ZNF596: variants seen among roughly 807,000 people sequenced by gnomAD.
ZNF596 encodes zinc finger protein 596.
ZNF596 carries 45 observed loss-of-function variants against 48.3 expected under a neutral mutation model. The observed-to-expected ratio is 0.93, with a 90% CI of 0.73 to 1.19. The LOEUF (loss-of-function observed/expected upper bound fraction) is 1.19, where lower values mean the gene tolerates loss of function less well. Among genes scored for constraint, ZNF596 ranks in the 50% most tolerant of loss-of-function variants. The pLI, the probability that ZNF596 is intolerant of heterozygous loss-of-function variation, is 0.00. For synonymous variants in ZNF596, 270 were observed against 202.0 expected (o/e 1.34, Z -2.85); for missense variants, 848 against 599.7 (o/e 1.41, Z -4.32).
At chr8:232,855 G>C in intron 1 of ZNF596, 161 bp downstream of exon 1, 1 of 454,636 alleles carries the variant, frequency 2.2e-6, no homozygotes, top group Non-Finnish European at 4.6e-6. Context: ...CACGCTTCGG[G>C]GTGGCCGCCT....
chr8:235,048 C>A (rs1228972686), intron 1 of ZNF596, among the ~76,000 whole-genome samples: 1 of 152,198 alleles, frequency 6.6e-6, no homozygotes, highest in African/African-American at 2.4e-5. Flanking sequence ...CAGTATTGAT[C>A]TGGCCACAAA....
intron 1 of ZNF596, among the ~76,000 whole-genome samples, chr8:236,209 G>C (rs1796607219): frequency 6.6e-6 from 1 of 152,106 alleles, no homozygotes; most frequent in Non-Finnish European, 1.5e-5. Context: ...CTGATTTTGT[G>C]TGTTTGCTTT....
intron 1 of ZNF596, 198 bp downstream of exon 1, chr8:232,892 G>C (rs1304880152): frequency 4.3e-6 from 2 of 467,622 alleles, no homozygotes; most frequent in Non-Finnish European, 8.8e-6. Flanking sequence ...TCCGAGACTG[G>C]GGTAGGGGAC....
intron 5 of ZNF596, among the ~76,000 whole-genome samples, 186 bp from the exon 6 acceptor site, chr8:244,968 A>G (rs766490300): frequency 3.9e-5 from 6 of 152,266 alleles, no homozygotes; most frequent in Non-Finnish European, 7.3e-5. Context: ...TTGGGATGCT[A>G]CAACAGGAAA....
rs770893964 is a variant in ZNF596 at position 246,387 on chromosome 8, C to T, written c.*25C>T. ...AGAATCATCAGCTGTAGCGTTAACACTAAATACACCAAGGACAAACATACT... is the reference window on the plus strand; with the variant it reads ...AGAATCATCAGCTGTAGCGTTAACATTAAATACACCAAGGACAAACATACT... On this transcript the variant is annotated 3_prime_UTR_variant, in exon 6 of 6. Transcript: ENST00000398612. 7.1e-6 allele frequency: 11 copies of T among 1,542,734 alleles called. No homozygotes were observed. The Admixed American group carries it at 2.1e-4, about 30-fold the overall frequency.
intron 4 of ZNF596, chr8:244,138 C>T: frequency 4.7e-6 from 1 of 214,848 alleles, no homozygotes; most frequent in South Asian, 7.3e-5. Context: ...AATCCACCCA[C>T]CTCAGCCTCC....
chr8:232,884 C>T (rs1204701517), intron 1 of ZNF596, 190 bp downstream of exon 1: 2 of 466,188 alleles, frequency 4.3e-6, no homozygotes, highest in Non-Finnish European at 8.9e-6. Flanking sequence ...ACCCTGAGTC[C>T]GAGACTGGGG....
chr8:243,108 A>C, intron 3 of ZNF596, 95 bp downstream of exon 3: 1 of 1,189,590 alleles, frequency 8.4e-7, no homozygotes, highest in South Asian at 1.9e-5. Context: ...CGTGCTTAGA[A>C]CAGCTTTCTC....
At chr8:244,732 A>C in intron 5 of ZNF596, 31 bp downstream of exon 5, 1 of 1,566,168 alleles carries the variant, frequency 6.4e-7, no homozygotes, top group African/African-American at 1.4e-5. Context: ...CCCTGTTCTT[A>C]CATATAGAAA....
chr8:246,086 C>T lies in ZNF596; in HGVS notation c.1239C>T (p.His413=). The change falls in exon 6 of 6, where the codon CAC becomes CAT. Residue 413 remains histidine (H), a synonymous_variant. Coordinates refer to ENST00000398612, the MANE Select transcript of ZNF596 (RefSeq NM_001042416.3). The part of the protein sequence containing the change: ...SSDLRRHERT[H]TGEKPYECHL... ...ACCTCAGACGACATGAGAGAACTCA[C>T]ACTGGAGAAAAACCATATGAATGCC... 1 of 1,613,598 alleles carries T rather than the reference C, an allele frequency of 6.2e-7. No individual in the cohort carries two copies. Among genetic ancestry groups the T allele is most frequent in the Non-Finnish European group, 8.5e-7 (1 of 1,179,488 alleles).
At position 245,996 on chromosome 8, in the gene ZNF596, A is replaced by G. The variant is rs760809279; in HGVS notation, c.1149A>G (p.Arg383=). The change falls in exon 6 of 6, where the codon AGA becomes AGG. Residue 383 remains arginine (R), a synonymous_variant. Coordinates refer to ENST00000398612, the MANE Select transcript of ZNF596 (RefSeq NM_001042416.3). Reference sequence around the variant, plus strand: ...CTTCTGTGCTTAAACGACATGAGAGAATTCACACTGGAGAGAAACCATATG... The same window carrying G: ...CTTCTGTGCTTAAACGACATGAGAGGATTCACACTGGAGAGAAACCATATG... ...TESSVLKRHE[R]IHTGEKPYEC... 6.2e-7 allele frequency: 1 copy of G among 1,613,670 alleles called. No homozygotes were observed. Among genetic ancestry groups the G allele is most frequent in the African/African-American group, 1.3e-5 (1 of 74,848 alleles).
In ZNF596 at chr8:243,612, T is replaced by G. The variant is rs997107987; in HGVS notation, c.140-110T>G. On this transcript the variant is annotated intron_variant, in intron 3 of 5. Coordinates refer to ENST00000398612, the MANE Select transcript of ZNF596 (RefSeq NM_001042416.3). ...TGTCTTCAAGGTACTCTTCCCAGGC[T>G]GACCTTCAGTGGCTAACTTATCCTT... is the stretch of plus-strand genomic sequence containing the variant. 4.1e-6 allele frequency: 4 copies of G among 968,732 alleles called. No homozygotes were observed. In the South Asian group the frequency reaches 4.5e-5, roughly 11 times the overall value. The allele number at this position is 968,732 out of a possible 1,614,324, so 60.0% of individuals were successfully genotyped here.
chr8:240,578 G>A, intron 1 of ZNF596: 1 of 337,724 alleles, frequency 3.0e-6, no homozygotes, highest in Non-Finnish European at 5.4e-6. Context: ...AGAATTCCAT[G>A]CGCTAGGTGG....
chr8:246,529 C>A lies in ZNF596; in HGVS notation c.*167C>A. 2 of 828,512 alleles carry A rather than the reference C, an allele frequency of 2.4e-6. No homozygotes were observed. Among genetic ancestry groups the A allele is most frequent in the Non-Finnish European group, 3.6e-6 (2 of 557,136 alleles). The allele number at this position is 828,512 out of a possible 1,614,324, so 51.3% of individuals were successfully genotyped here. Reference sequence around the variant, plus strand: ...CCAGATGTATTTAATGTTTATGGCACAAACTTCAGACTCTAGGCTGACCAT... The same window carrying A: ...CCAGATGTATTTAATGTTTATGGCAAAAACTTCAGACTCTAGGCTGACCAT... On this transcript the variant is annotated 3_prime_UTR_variant, in exon 6 of 6. Transcript: ENST00000398612.
At chr8:238,578 A>T (rs528971327) in intron 1 of ZNF596, among the ~76,000 whole-genome samples, 3 of 147,262 alleles carry the variant, frequency 2.0e-5, no homozygotes, top group Non-Finnish European at 3.0e-5. Context: ...AGGTAGGCAG[A>T]TCATTTGAGG....
intron 1 of ZNF596, among the ~76,000 whole-genome samples, chr8:235,333 G>A (rs574718129): frequency 2.0e-5 from 3 of 152,312 alleles, no homozygotes; most frequent in African/African-American, 4.8e-5. Context: ...GGGGCAAGTT[G>A]GGGGTTTGAT....
At chr8:238,306 G>A (rs1440354247) in intron 1 of ZNF596, among the ~76,000 whole-genome samples, 3 of 152,050 alleles carry the variant, frequency 2.0e-5, no homozygotes, top group African/African-American at 7.2e-5. Context: ...GAATACGTGA[G>A]ACTAGTGGAG....
rs77510919 is a variant in ZNF596 at position 243,658 on chromosome 8, C to A, written c.140-64C>A. 1.6e-4 allele frequency: 241 copies of A among 1,545,026 alleles called. No homozygotes were observed. In the African/African-American group the frequency reaches 2.9e-3, roughly 19 times the overall value. Reference sequence around the variant, plus strand: ...TCCTTCCCAGTAGGCTGCCCTGTATCTGATAACCTTGTACATTTGTCAGCA... The same window carrying A: ...TCCTTCCCAGTAGGCTGCCCTGTATATGATAACCTTGTACATTTGTCAGCA... On this transcript the variant is annotated intron_variant, in intron 3 of 5. Coordinates refer to ENST00000398612, the MANE Select transcript of ZNF596 (RefSeq NM_001042416.3).
chr8:232,981 C>T (rs1263065916), intron 1 of ZNF596: 6 of 468,628 alleles, frequency 1.3e-5, no homozygotes, highest in Non-Finnish European at 2.6e-5. Context: ...TTTACCTTCC[C>T]GGTGTCCCAC....
Sources: allele counts gnomAD v4.1 joint callset (sites outside exome capture counted in the v4.1 genomes callset), GRCh38; gene constraint gnomAD v4.1.1; transcripts MANE v1.5; gene names NCBI Gene and HGNC (gene_info 2026-07-23, HGNC 2026-07-21).